Variants in HCN1 observed in about 807,000 individuals in gnomAD.
The protein encoded by HCN1 is potassium/sodium hyperpolarization-activated cyclic nucleotide-gated channel 1.
A neutral mutation model predicts 78.9 loss-of-function variants in HCN1; 13 were observed. That is an observed-to-expected ratio of 0.16 (90% CI 0.11 to 0.26). The LOEUF (loss-of-function observed/expected upper bound fraction) is 0.26. HCN1 is among the 10% of genes least tolerant of loss of function. The pLI, the probability that HCN1 is intolerant of heterozygous loss-of-function variation, is 1.00. For synonymous variants in HCN1, 552 were observed against 455.5 expected (o/e 1.21, Z -2.70); for missense variants, 810 against 1,154.3 (o/e 0.70, Z 4.32).
At chr5:45,679,888 T>C (rs1739673064) in intron 1 of HCN1, among the ~76,000 whole-genome samples, 1 of 152,066 alleles carries the variant, frequency 6.6e-6, no homozygotes, top group African/African-American at 2.4e-5. Context: ...TTACTATCTC[T>C]TGCTGTTTGC....
intron 2 of HCN1, among the ~76,000 whole-genome samples, chr5:45,505,202 CT>C (rs1561181037): frequency 6.6e-6 from 1 of 152,010 alleles, no homozygotes; most frequent in Non-Finnish European, 1.5e-5. Flanking sequence ...ATGGTATTGC[CT>C]AGGTTTTCTT....
chr5:45,611,094 A>C (rs930851394), intron 2 of HCN1, among the ~76,000 whole-genome samples: 1 of 150,930 alleles, frequency 6.6e-6, no homozygotes, highest in Non-Finnish European at 1.5e-5. Context: ...TCTGTCACCA[A>C]GGCTGCAGAG....
intron 6 of HCN1, among the ~76,000 whole-genome samples, chr5:45,279,017 C>G (rs1745113320): frequency 6.6e-6 from 1 of 152,076 alleles, no homozygotes; most frequent in Non-Finnish European, 1.5e-5. Context: ...CATTTGCCTA[C>G]TCCTTGGTTA....
intron 2 of HCN1, among the ~76,000 whole-genome samples, chr5:45,640,363 A>G (rs1259266564): frequency 6.6e-6 from 1 of 152,170 alleles, no homozygotes; most frequent in African/African-American, 2.4e-5. Context: ...TAATATACAA[A>G]AAGATTCAAG....
intron 3 of HCN1, among the ~76,000 whole-genome samples, chr5:45,417,516 A>T (rs1740140420): frequency 6.6e-6 from 1 of 151,906 alleles, no homozygotes; most frequent in African/African-American, 2.4e-5. Context: ...TTTCTAAAAT[A>T]AATACAAGGT....
At chr5:45,497,932 G>A (rs1454408898) in intron 2 of HCN1, among the ~76,000 whole-genome samples, 2 of 152,162 alleles carry the variant, frequency 1.3e-5, no homozygotes, top group Non-Finnish European at 1.5e-5. Context: ...CTTCTGGCTT[G>A]TAGAGTTTCT....
At position 45,695,865 on chromosome 5, in the gene HCN1, G is replaced by A; in HGVS notation, c.229C>T (p.Pro77Ser). 6.4e-7 allele frequency: 1 copy of A among 1,573,308 alleles called. No individual in the cohort carries two copies. Among genetic ancestry groups the A allele is most frequent in the Admixed American group, 1.8e-5 (1 of 55,314 alleles). Residue 77 changes from proline to serine, a missense_variant, in exon 1 of 8, where the codon CCG becomes TCG. This residue lies in a region of HCN1 where 170 missense variants were observed against 166.8 expected (regional missense o/e 1.02). Transcript: ENST00000303230. ...TCGGCGTCTTCGAAGCCCCCCGCCG[G>A]CTCCTCGCCGCCGCCGCCGCCGCCG... ...GGGGGGGGEE[P>S]AGGFEDAEGP...
At chr5:45,300,361 G>A (rs1412812657) in intron 6 of HCN1, among the ~76,000 whole-genome samples, 4 of 151,888 alleles carry the variant, frequency 2.6e-5, no homozygotes, top group Non-Finnish European at 5.9e-5. Context: ...TGCCACCCAA[G>A]ATAGTAAAAG....
At position 45,287,443 on chromosome 5, in the gene HCN1, A is replaced by G. The variant is rs72759958; in HGVS notation, c.1618+16156T>C. Among the ~76,000 whole-genome samples the G allele has an allele frequency of 3.0e-3, 449 of 152,202 alleles. 1 individual carries two copies. The highest frequency in any genetic ancestry group is 3.4e-3 in the Non-Finnish European group (234 of 68,004). On this transcript the variant is annotated intron_variant, in intron 6 of 7. Coordinates refer to ENST00000303230, the MANE Select transcript of HCN1 (RefSeq NM_021072.4). The stretch of plus-strand genomic sequence containing the variant: ...ATATGAGAAACATACCAAAAATGAT[A>G]AAGATTATATATTCTTGTAGTTATT...
At chr5:45,356,488 T>C (rs1382238428) in intron 4 of HCN1, among the ~76,000 whole-genome samples, 1 of 151,970 alleles carries the variant, frequency 6.6e-6, no homozygotes, top group African/African-American at 2.4e-5. Flanking sequence ...CACTTTTCCA[T>C]GTTAAAAGGT....
intron 3 of HCN1, among the ~76,000 whole-genome samples, chr5:45,458,560 T>C (rs1741072004): frequency 2.0e-5 from 3 of 152,144 alleles, no homozygotes; most frequent in Admixed American, 2.0e-4. Context: ...TTAATGGGAT[T>C]TTCTACTGCA....
chr5:45,448,543 T>C (rs984031118), intron 3 of HCN1, among the ~76,000 whole-genome samples: 1 of 152,238 alleles, frequency 6.6e-6, no homozygotes, highest in Non-Finnish European at 1.5e-5. Context: ...TCTAGTATTC[T>C]GCAGGTGGTA....
chr5:45,355,064 G>T (rs1054736064), intron 4 of HCN1, among the ~76,000 whole-genome samples: 1 of 151,842 alleles, frequency 6.6e-6, no homozygotes, highest in African/African-American at 2.4e-5. Flanking sequence ...TGAAGCTTAG[G>T]GTTGATTGAA....
intron 1 of HCN1, among the ~76,000 whole-genome samples, chr5:45,677,182 G>T (rs1739574242): frequency 6.6e-6 from 1 of 151,754 alleles, no homozygotes; most frequent in South Asian, 2.1e-4. Flanking sequence ...TTACCCTGTA[G>T]TCTTCCTTTG....
chr5:45,447,121 G>A (rs1013283301), intron 3 of HCN1, among the ~76,000 whole-genome samples: 2 of 152,170 alleles, frequency 1.3e-5, no homozygotes, highest in Non-Finnish European at 2.9e-5. Flanking sequence ...ACCCATCAGT[G>A]TGCTGTATTC....
intron 2 of HCN1, chr5:45,558,948 ATG>A (rs1653694901): frequency 9.9e-6 from 1 of 101,006 alleles, no homozygotes; most frequent in Non-Finnish European, 1.9e-5. Flanking sequence ...TTTTTTAGGG[ATG>A]GGATCTTGCT....
At chr5:45,580,491 T>A (rs192402567) in intron 2 of HCN1, among the ~76,000 whole-genome samples, 1 of 152,192 alleles carries the variant, frequency 6.6e-6, no homozygotes, top group East Asian at 1.9e-4. Flanking sequence ...GTGAGAACCA[T>A]ATCAGACTTC....
Position 45,269,394 on chromosome 5 carries a change from T to C in HCN1, c.1619-2141A>G, listed in dbSNP as rs1490535346. On this transcript the variant is annotated intron_variant, in intron 6 of 7. Transcript: ENST00000303230. ...ATTATATTTTCATTTGAATTTATTTTTTCTGAACTCTTTCTCTTTACTCTG... is the reference window on the plus strand; with the variant it reads ...ATTATATTTTCATTTGAATTTATTTCTTCTGAACTCTTTCTCTTTACTCTG... Among the ~76,000 whole-genome samples, 5 of 152,346 alleles carry C rather than the reference T, an allele frequency of 3.3e-5. No homozygotes were observed. The South Asian group carries it at 1.0e-3, about 32-fold the overall frequency.
intron 2 of HCN1, among the ~76,000 whole-genome samples, chr5:45,553,699 C>T (rs1428824726): frequency 6.6e-6 from 1 of 151,934 alleles, no homozygotes; most frequent in Non-Finnish European, 1.5e-5. Context: ...TGCATCTGCC[C>T]ATATACCTTA....
Sources: gnomAD v4.1 joint callset for allele counts (sites outside exome capture counted in the v4.1 genomes callset) on GRCh38, gnomAD v4.1.1 for gene constraint, gnomAD v4.1.1 regional missense constraint, MANE v1.5 for transcripts, NCBI Gene and HGNC (gene_info 2026-07-23, HGNC 2026-07-21) for gene names.